Variants in CD58 observed in about 807,000 individuals in gnomAD.
The protein encoded by CD58 is lymphocyte function-associated antigen 3.
Under a neutral mutation model 27.6 loss-of-function variants are expected in CD58, and 14 were observed. That is an observed-to-expected ratio of 0.51 (90% confidence interval 0.34 to 0.79). The LOEUF is 0.79. Ranked by LOEUF, CD58 falls within the 30% of genes least tolerant of loss-of-function variation. CD58 has a pLI of 0.02. For missense variants in CD58, 268 were observed against 301.7 expected (o/e 0.89, Z 0.83); for synonymous variants, 117 against 103.8 (o/e 1.13, Z -0.77).
chr1:116,549,043 C>T (rs1271002940), intron 1 of CD58, among the ~76,000 whole-genome samples: 1 of 152,176 alleles, frequency 6.6e-6, no homozygotes, highest in African/African-American at 2.4e-5. Context: ...TTGGTCAGTG[C>T]CCTTTCAGAA....
rs895502852 is a variant in CD58, at chr1:116,554,653, C to T, written c.71-10049G>A. 3.3e-5 allele frequency among the ~76,000 whole-genome samples: 5 copies of T among 152,040 alleles called. 1 individual carries two copies. The highest frequency in any genetic ancestry group is 7.4e-5 in the Non-Finnish European group (5 of 67,988). On this transcript the variant is annotated intron_variant, in intron 1 of 5. Coordinates refer to ENST00000369489, the MANE Select transcript of CD58 (RefSeq NM_001779.3). ...ACAGTGGTTGTTTTTAAAGTAACCA[C>T]GGTTACTTTAGAGATTGTGGTGATG...
rs1459296930 is a variant in CD58 at position 116,559,289 on chromosome 1, GA to G, written c.70+11613del. Reference sequence around the variant, plus strand: ...CAAAGTAAGGTGGTTTGCTCCGCTGGACACTTGGTTGATAGAGAAGGTCAAA... The same window carrying G: ...CAAAGTAAGGTGGTTTGCTCCGCTGGCACTTGGTTGATAGAGAAGGTCAAA... On this transcript the variant is annotated intron_variant, in intron 1 of 5. Coordinates refer to ENST00000369489, the MANE Select transcript of CD58 (RefSeq NM_001779.3). This position sits in a 1 kb window ranked among gnomAD's most constrained non-coding sequence, Gnocchi z 4.4. Among the ~76,000 whole-genome samples the G allele has an allele frequency of 6.6e-6, 1 of 152,132 alleles. No homozygotes were observed. Among genetic ancestry groups the G allele is most frequent in the Non-Finnish European group, 1.5e-5 (1 of 68,000 alleles).
intron 3 of CD58, among the ~76,000 whole-genome samples, chr1:116,526,306 G>A (rs1657431725): frequency 6.6e-6 from 1 of 152,124 alleles, no homozygotes; most frequent in South Asian, 2.1e-4. Context: ...TGTTTTAGGA[G>A]TCTTATGGTT....
rs937799803 is a variant in CD58 at position 116,534,224 on chromosome 1, C to T, written c.628+1741G>A. 1.9e-6 allele frequency: 1 copy of T among 523,478 alleles called. No individual in the cohort carries two copies. Among genetic ancestry groups the T allele is most frequent in the Non-Finnish European group, 3.4e-6 (1 of 291,144 alleles). The allele number at this position is 523,478 out of a possible 1,614,324, so 32.4% of individuals were successfully genotyped here. The stretch of plus-strand genomic sequence containing the variant: ...CGCACAGCTCCCAACAGCTGAGATG[C>T]AATGCCAAGGACTTTCTTCCCCATC... On this transcript the variant is annotated intron_variant, in intron 3 of 5. Coordinates refer to ENST00000369489, the MANE Select transcript of CD58 (RefSeq NM_001779.3). The surrounding 1 kb of genome is among the most constrained non-coding windows in gnomAD (Gnocchi z 5.3).
Position 116,527,132 on chromosome 1 carries a change from TTTTC to T in CD58, c.629-5153_629-5150del, listed in dbSNP as rs1657456236. Among the ~76,000 whole-genome samples the T allele has an allele frequency of 6.6e-6, 1 of 152,324 alleles. No individual in the cohort carries two copies. Among genetic ancestry groups the T allele is most frequent in the African/African-American group, 2.4e-5 (1 of 41,580 alleles). On this transcript the variant is annotated intron_variant, in intron 3 of 5. Transcript: ENST00000369489. The surrounding 1 kb of genome is among the most constrained non-coding windows in gnomAD (Gnocchi z 4.4). ...TCATGTCATCTGAGAACTAAAACAATTTTCTTTCTTTCTTCTCATCTGTATAACT... is the reference window on the plus strand; with the variant it reads ...TCATGTCATCTGAGAACTAAAACAATTTTCTTTCTTCTCATCTGTATAACT...
intron 3 of CD58, chr1:116,533,273 CT>C: frequency 8.1e-7 from 1 of 1,234,678 alleles, no homozygotes; most frequent in Non-Finnish European, 1.2e-6. Context: ...TGCCTGGACC[CT>C]TACGCTTCTG....
At chr1:116,544,944 G>C (rs1658114366) in intron 1 of CD58, among the ~76,000 whole-genome samples, 1 of 152,322 alleles carries the variant, frequency 6.6e-6, no homozygotes, top group East Asian at 1.9e-4. Context: ...GCCTGGTCTA[G>C]GGCCTCCCCA....
rs1659052451 is a variant in CD58, at chr1:116,569,597, CCTTT to C, written c.70+1302_70+1305del. 2.8e-5 allele frequency among the ~76,000 whole-genome samples: 4 copies of C among 142,276 alleles called. No homozygotes were observed. The South Asian group carries it at 6.5e-4, about 23-fold the overall frequency. The allele number at this position is 142,276 out of a possible 152,430, so 93.3% of individuals were successfully genotyped here. A position where few individuals can be genotyped will look rare whatever the true frequency, so the allele number is the denominator to read the frequency against. On this transcript the variant is annotated intron_variant, in intron 1 of 5. Transcript: ENST00000369489. Reference sequence around the variant, plus strand: ...CTTCCCTCTGTACCCTCACAGCTCACCTTTTTTTTTTTTTTTTTTTTTTGAGACA... The same window carrying C: ...CTTCCCTCTGTACCCTCACAGCTCACTTTTTTTTTTTTTTTTTTTGAGACA...
In CD58 at chr1:116,563,637, C is replaced by A. The variant is rs543504177; in HGVS notation, c.70+7266G>T. ...AGGCCCAACACCACATGTAAGCCAC[C>A]AAGGCTTACCCTCTGAAGCAACAGC... is the stretch of plus-strand genomic sequence containing the variant. On this transcript the variant is annotated intron_variant, in intron 1 of 5. Transcript: ENST00000369489. This position sits in a 1 kb window ranked among gnomAD's most constrained non-coding sequence, Gnocchi z 4.1. 2.0e-5 allele frequency among the ~76,000 whole-genome samples: 3 copies of A among 152,328 alleles called. No homozygotes were observed. Among genetic ancestry groups the A allele is most frequent in the East Asian group, 1.9e-4 (1 of 5,180 alleles).
chr1:116,533,960 G>A (rs1657705702), intron 3 of CD58: 1 of 1,427,270 alleles, frequency 7.0e-7, no homozygotes, highest in Non-Finnish European at 9.9e-7. Flanking sequence ...GCATTGTCAA[G>A]TCGCTCCTGT....
At chr1:116,549,030 T>C (rs769691596) in intron 1 of CD58, among the ~76,000 whole-genome samples, 1 of 152,226 alleles carries the variant, frequency 6.6e-6, no homozygotes, top group Non-Finnish European at 1.5e-5. Flanking sequence ...ATTGTCTGAC[T>C]CCTTGGTCAG....
chr1:116,532,433 T>C lies in CD58; in HGVS notation c.628+3532A>G, dbSNP rs1266111354. Among the ~76,000 whole-genome samples the C allele has an allele frequency of 1.3e-5, 2 of 152,182 alleles. No homozygotes were observed. The highest frequency in any genetic ancestry group is 2.9e-5 in the Non-Finnish European group (2 of 68,030). ...CCTACTCTACACGGCCCTTCTGAGA[T>C]GATTAGCATACAGCAGGTGATGCAG... is the stretch of plus-strand genomic sequence containing the variant. On this transcript the variant is annotated intron_variant, in intron 3 of 5. Transcript: ENST00000369489. The surrounding 1 kb of genome is among the most constrained non-coding windows in gnomAD (Gnocchi z 5.1).
rs1301904901 is a variant in CD58 at position 116,519,713 on chromosome 1, A to G, written c.707-446T>C. The stretch of plus-strand genomic sequence containing the variant: ...TATAAAATTATTTCAACATGTACTC[A>G]ATATAAACATTTTTTAATGAGATAT... On this transcript the variant is annotated intron_variant, in intron 4 of 5. Transcript: ENST00000369489. The surrounding 1 kb of genome is among the most constrained non-coding windows in gnomAD (Gnocchi z 4.7). 6.6e-6 allele frequency among the ~76,000 whole-genome samples: 1 copy of G among 152,240 alleles called. No homozygotes were observed. The highest frequency in any genetic ancestry group is 1.5e-5 in the Non-Finnish European group (1 of 68,046).
chr1:116,547,800 G>A (rs1466174872), intron 1 of CD58, among the ~76,000 whole-genome samples: 1 of 152,080 alleles, frequency 6.6e-6, no homozygotes, highest in African/African-American at 2.4e-5. Context: ...TTCATAAAAT[G>A]ACTTGTTTTC....
intron 1 of CD58, among the ~76,000 whole-genome samples, chr1:116,545,831 A>C (rs1417747874): frequency 6.6e-6 from 1 of 152,182 alleles, no homozygotes; most frequent in East Asian, 1.9e-4. Flanking sequence ...GATATTTTTG[A>C]TACCCCAAAG....
intron 5 of CD58, among the ~76,000 whole-genome samples, chr1:116,518,077 A>G (rs1657143166): frequency 6.6e-6 from 1 of 152,164 alleles, no homozygotes. Context: ...TTTCTATGTG[A>G]TTATCTATGC....
At chr1:116,526,921 A>G (rs1431818795) in intron 3 of CD58, among the ~76,000 whole-genome samples, 1 of 152,162 alleles carries the variant, frequency 6.6e-6, no homozygotes, top group Non-Finnish European at 1.5e-5. Context: ...GTACCTAAGT[A>G]TTGCATTTTT....
At position 116,522,874 on chromosome 1, in the gene CD58, T is replaced by C. The variant is rs1428366121; in HGVS notation, c.629-891A>G. On this transcript the variant is annotated intron_variant, in intron 3 of 5. Transcript: ENST00000369489. This position sits in a 1 kb window ranked among gnomAD's most constrained non-coding sequence, Gnocchi z 4.6. ...ATCATGAAGCATCTAGACATTGCAC[T>C]AAGTCATGTGCCTATAGTCTCACTA... Among the ~76,000 whole-genome samples, 1 of 152,210 alleles carries C rather than the reference T, an allele frequency of 6.6e-6. No individual in the cohort carries two copies. The highest frequency in any genetic ancestry group is 1.5e-5 in the Non-Finnish European group (1 of 68,038).
chr1:116,568,249 T>A (rs1264303595), intron 1 of CD58, among the ~76,000 whole-genome samples: 6 of 152,164 alleles, frequency 3.9e-5, no homozygotes, highest in East Asian at 3.9e-4. Flanking sequence ...ATGAGACATA[T>A]GATAAAGAAT....
Sources: gnomAD v4.1 joint callset for allele counts (sites outside exome capture counted in the v4.1 genomes callset) on GRCh38, gnomAD v4.1.1 for gene constraint, Gnocchi (gnomAD v3.1) non-coding constraint, MANE v1.5 for transcripts, NCBI Gene and HGNC (gene_info 2026-07-23, HGNC 2026-07-21) for gene names.